Variants in WNK3 observed in about 807,000 individuals in gnomAD.
WNK3 encodes serine/threonine-protein kinase WNK3.
Under a neutral mutation model 116.7 loss-of-function variants are expected in WNK3, and 18 were observed. That is an observed-to-expected ratio of 0.15 (90% CI 0.11 to 0.23). The LOEUF is 0.23. Among genes scored for constraint, WNK3 ranks in the 10% least tolerant of loss-of-function variants. The pLI, the probability that WNK3 is intolerant of heterozygous loss-of-function variation, is 1.00. For synonymous variants in WNK3, 404 were observed against 469.4 expected (o/e 0.86, Z 1.80); for missense variants, 993 against 1,323.8 (o/e 0.75, Z 3.88).
intron 1 of WNK3, among the ~76,000 whole-genome samples, chrX:54,350,593 T>G (rs1369713582): frequency 9.0e-6 from 1 of 111,424 alleles, no homozygotes; most frequent in Non-Finnish European, 1.9e-5. Flanking sequence ...TGGTATTCCA[T>G]GCATTGTTGG....
At chrX:54,221,428 G>A (rs1028798815) in intron 22 of WNK3, among the ~76,000 whole-genome samples, 1 of 112,290 alleles carries the variant, frequency 8.9e-6, no homozygotes, top group Non-Finnish European at 1.9e-5. Flanking sequence ...AAGATGTAAT[G>A]TGTATAACAA....
At chrX:54,344,509 T>A (rs1299059210) in intron 1 of WNK3, among the ~76,000 whole-genome samples, 1 of 112,718 alleles carries the variant, frequency 8.9e-6, no homozygotes, top group Admixed American at 9.4e-5. Flanking sequence ...AAGGTTCACA[T>A]GTTCCTTTTG....
chrX:54,266,773 G>A (rs782204960), intron 10 of WNK3, among the ~76,000 whole-genome samples: 2 of 110,324 alleles, frequency 1.8e-5, no homozygotes, highest in East Asian at 2.8e-4. Flanking sequence ...TGTGCTGAAC[G>A]TGCAGGTTTG....
intron 1 of WNK3, among the ~76,000 whole-genome samples, chrX:54,343,278 G>T (rs1250587035): frequency 9.0e-6 from 1 of 110,852 alleles, no homozygotes; most frequent in East Asian, 2.9e-4. Context: ...GGAGGCCGAG[G>T]AGGGTGGATC....
At chrX:54,209,176 G>C (rs1038266860) in intron 22 of WNK3, among the ~76,000 whole-genome samples, 73 of 111,529 alleles carry the variant, frequency 6.5e-4, no homozygotes, top group African/African-American at 2.1e-3. Flanking sequence ...TCTCATGTCT[G>C]TTAGGTTGGC....
chrX:54,227,888 T>A (rs1228934700), intron 22 of WNK3, among the ~76,000 whole-genome samples: 2 of 112,176 alleles, frequency 1.8e-5, no homozygotes, highest in African/African-American at 6.5e-5. Context: ...TATTTTATTT[T>A]ATTTATTTTA....
At position 54,308,419 on chromosome X, in the gene WNK3, T is replaced by C. The variant is rs782116026; in HGVS notation, c.932-340A>G. The stretch of plus-strand genomic sequence containing the variant: ...GTTGGCCAGGCTGGTCTCGAACTCC[T>C]GACCTCGTGATCCACCCGCCTCAGG... On this transcript the variant is annotated intron_variant, in intron 4 of 23. Transcript: ENST00000354646. Among the ~76,000 whole-genome samples, 8 of 110,691 alleles carry C rather than the reference T, an allele frequency of 7.2e-5. No individual in the cohort carries two copies. In the East Asian group the frequency reaches 2.3e-3, roughly 32 times the overall value.
At chrX:54,250,730 T>C (rs781926887) in intron 15 of WNK3, among the ~76,000 whole-genome samples, 46 of 110,962 alleles carry the variant, frequency 4.1e-4, no homozygotes, top group African/African-American at 1.5e-3. Flanking sequence ...AGGATAATGG[T>C]ATCTGGTTCT....
chrX:54,327,244 G>C (rs1234465894), intron 2 of WNK3, among the ~76,000 whole-genome samples: 2 of 111,725 alleles, frequency 1.8e-5, no homozygotes, highest in Non-Finnish European at 3.8e-5. Flanking sequence ...GAGTGGGGCT[G>C]TTAAGAATTA....
intron 10 of WNK3, among the ~76,000 whole-genome samples, chrX:54,266,853 G>A (rs182730162): frequency 4.5e-5 from 5 of 110,387 alleles, no homozygotes; most frequent in Middle Eastern, 4.7e-3. Context: ...TTTAAGCTCC[G>A]CATGCATTAG....
intron 17 of WNK3, among the ~76,000 whole-genome samples, chrX:54,240,318 C>A (rs1226560823): frequency 4.0e-4 from 42 of 106,025 alleles, no homozygotes; most frequent in Non-Finnish European, 4.7e-4. Flanking sequence ...AAAAAAAAAA[C>A]AAAAAAACAA....
intron 20 of WNK3, among the ~76,000 whole-genome samples, chrX:54,234,585 G>C (rs1342341119): frequency 8.9e-6 from 1 of 111,837 alleles, no homozygotes; most frequent in Non-Finnish European, 1.9e-5. Flanking sequence ...CCAGCACTTT[G>C]GGAGGCTAAG....
chrX:54,308,155 A>G lies in WNK3; in HGVS notation c.932-76T>C. ...ACCAAGATCACATCCCCTTTCCTAT[A>G]AGGATTATCTGTGTTAATTTCTACT... On this transcript the variant is annotated intron_variant, in intron 4 of 23. Coordinates refer to ENST00000354646, the Ensembl canonical transcript of WNK3. 4 of 919,220 alleles carry G rather than the reference A, an allele frequency of 4.4e-6. No homozygotes were observed. In the South Asian group the frequency reaches 1.3e-4, roughly 30 times the overall value. 75.8% of individuals were successfully genotyped at this position (919,220 alleles called of 1,213,427 possible). A position where few individuals can be genotyped will look rare whatever the true frequency, so the allele number is the denominator to read the frequency against.
chrX:54,234,825 C>CA (rs782143289), intron 20 of WNK3, among the ~76,000 whole-genome samples: 2,250 of 60,277 alleles, frequency 0.037, 58 homozygotes, highest in Admixed American at 0.12. Context: ...GACTCCGTCT[C>CA]AAAAAAAAAA....
chrX:54,315,603 T>G (rs1393593806), intron 2 of WNK3, among the ~76,000 whole-genome samples: 2 of 111,916 alleles, frequency 1.8e-5, no homozygotes, highest in African/African-American at 6.5e-5. Context: ...TCTACTGTCT[T>G]TTAGCTTCTA....
At chrX:54,247,145 A>G in intron 17 of WNK3, among the ~76,000 whole-genome samples, 1 of 111,505 alleles carries the variant, frequency 9.0e-6, no homozygotes, top group Middle Eastern at 4.6e-3. Context: ...ATTCCATGAC[A>G]CCAGAAACAG....
intron 22 of WNK3, among the ~76,000 whole-genome samples, chrX:54,210,528 G>A (rs2067601940): frequency 9.0e-6 from 1 of 111,600 alleles, no homozygotes; most frequent in African/African-American, 3.3e-5. Context: ...TTGGGAGGCT[G>A]AGGCAGGAGG....
chrX:54,262,859 G>A, intron 10 of WNK3, among the ~76,000 whole-genome samples: 1 of 107,648 alleles, frequency 9.3e-6, no homozygotes, highest in Admixed American at 1.0e-4. Flanking sequence ...TTGAACCTGG[G>A]AGGTGGAGGT....
At position 54,353,185 on chromosome X, in the gene WNK3, G is replaced by A. The variant is rs139735837; in HGVS notation, c.-120+4501C>T. On this transcript the variant is annotated intron_variant, in intron 1 of 23. Transcript: ENST00000354646. ...TAAAATGGTTAAAATGGGGCCAGGC[G>A]CAGTGGCTCATACTTGTAATCCCAG... 2.1e-3 allele frequency among the ~76,000 whole-genome samples: 238 copies of A among 111,686 alleles called. No individual in the cohort carries two copies. The Middle Eastern group carries it at 0.023, about 11-fold the overall frequency.
Sources: allele counts gnomAD v4.1 joint callset (sites outside exome capture counted in the v4.1 genomes callset), GRCh38; gene constraint gnomAD v4.1.1; transcripts MANE v1.5; gene names NCBI Gene and HGNC (gene_info 2026-07-23, HGNC 2026-07-21).